Variants in ABLIM1 observed in about 807,000 individuals in gnomAD.
ABLIM1 encodes the protein actin-binding LIM protein 1.
Under a neutral mutation model 107.0 loss-of-function variants are expected in ABLIM1, and 40 were observed. The observed-to-expected ratio is 0.37, with a 90% confidence interval of 0.29 to 0.49. The LOEUF is 0.49. ABLIM1 is among the 20% of genes least tolerant of loss of function. The probability of loss-of-function intolerance (pLI) is 0.97; values close to 1 mark genes in which losing one functional copy is unlikely to be tolerated. For missense variants in ABLIM1, 857 were observed against 1,008.5 expected, an observed-to-expected ratio of 0.85 and a Z score of 2.04; for synonymous variants, 357 against 357.3, an observed-to-expected ratio of 1.00 and a Z score of 0.01.
chr10:114,631,184 G>A (rs117961105), intron 1 of ABLIM1, among the ~76,000 whole-genome samples: 1,864 of 152,242 alleles, frequency 0.012, 23 homozygotes, highest in South Asian at 0.019. Context: ...CACATTTCCC[G>A]GAGAAACAAA....
chr10:114,620,339 T>A (rs2077389541), intron 1 of ABLIM1, among the ~76,000 whole-genome samples: 1 of 152,214 alleles, frequency 6.6e-6, no homozygotes. Context: ...GGACAGGTCA[T>A]TAAACTCCAA....
At chr10:114,645,984 G>T (rs2078996518) in intron 1 of ABLIM1, among the ~76,000 whole-genome samples, 1 of 152,158 alleles carries the variant, frequency 6.6e-6, no homozygotes, top group Admixed American at 6.5e-5. Context: ...TTCAACCAAA[G>T]ATTGTGCTAG....
chr10:114,732,757 A>G (rs111464155), intron 1 of ABLIM1, among the ~76,000 whole-genome samples: 5 of 152,362 alleles, frequency 3.3e-5, no homozygotes, highest in African/African-American at 1.2e-4. Flanking sequence ...AAAGGAAAAG[A>G]TTAATAAATT....
chr10:114,682,515 T>C (rs2080790600), intron 1 of ABLIM1, among the ~76,000 whole-genome samples: 1 of 152,244 alleles, frequency 6.6e-6, no homozygotes, highest in Non-Finnish European at 1.5e-5. Flanking sequence ...GTATTGCCCA[T>C]ATTCCCTATA....
intron 1 of ABLIM1, among the ~76,000 whole-genome samples, chr10:114,683,474 C>G (rs2080833129): frequency 6.6e-6 from 1 of 152,130 alleles, no homozygotes. Context: ...CAAGTGTATA[C>G]ATGTGAAGTG....
intron 1 of ABLIM1, among the ~76,000 whole-genome samples, chr10:114,614,736 G>C (rs199557745): frequency 6.6e-6 from 1 of 152,140 alleles, no homozygotes; most frequent in South Asian, 2.1e-4. Context: ...GGTGCTAGGA[G>C]GGGTTCAGGG....
At position 114,503,779 on chromosome 10, in the gene ABLIM1, C is replaced by A. The variant is rs530254751; in HGVS notation, c.895-11901G>T. ...TTCTAACCTCTGTGAAGTGAATGAT[C>A]TTTATAAAATGGTCTCTAAGTAAAA... On this transcript the variant is annotated intron_variant, in intron 6 of 22. Coordinates refer to ENST00000533213, the MANE Select transcript of ABLIM1 (RefSeq NM_002313.7). Among the ~76,000 whole-genome samples the A allele has an allele frequency of 2.6e-5, 4 of 152,278 alleles. No individual in the cohort carries two copies. The South Asian group carries it at 8.3e-4, about 32-fold the overall frequency.
chr10:114,616,016 C>G (rs182252707), intron 1 of ABLIM1, among the ~76,000 whole-genome samples: 2 of 152,062 alleles, frequency 1.3e-5, no homozygotes, highest in South Asian at 4.1e-4. Context: ...TAGTGTTCTA[C>G]TCATATTTAT....
chr10:114,687,023 G>C (rs2080957619), upstream of ABLIM1, among the ~76,000 whole-genome samples: 1 of 152,174 alleles, frequency 6.6e-6, no homozygotes, highest in South Asian at 2.1e-4. Flanking sequence ...TAAAAACACA[G>C]AGCAGAAATC....
chr10:114,535,523 C>T (rs1444672324), intron 6 of ABLIM1, among the ~76,000 whole-genome samples: 1 of 152,122 alleles, frequency 6.6e-6, no homozygotes. Flanking sequence ...GTTGGCCAGG[C>T]TTGTCTTGAA....
chr10:114,576,550 A>G (rs1306553761), intron 2 of ABLIM1, among the ~76,000 whole-genome samples: 1 of 152,116 alleles, frequency 6.6e-6, no homozygotes, highest in Admixed American at 6.5e-5. Context: ...TTCAATCAGT[A>G]AATTGCTTTC....
At chr10:114,766,410 T>A (rs1330363387) in intron 1 of ABLIM1, among the ~76,000 whole-genome samples, 9 of 152,116 alleles carry the variant, frequency 5.9e-5, no homozygotes, top group Admixed American at 5.9e-4. Flanking sequence ...TGAAACTGGG[T>A]TGAAGAAGAA....
intron 1 of ABLIM1, among the ~76,000 whole-genome samples, chr10:114,673,000 G>T (rs1174443592): frequency 6.6e-6 from 1 of 152,114 alleles, no homozygotes; most frequent in Non-Finnish European, 1.5e-5. Flanking sequence ...GCTCATGCCT[G>T]TAATTCCAGC....
chr10:114,776,139 T>C, the ABLIM1 span: 1 of 151,714 alleles, frequency 6.6e-6, no homozygotes, highest in Non-Finnish European at 1.5e-5. Context: ...CATGAGATGG[T>C]GGACAACAAA....
intron 8 of ABLIM1, among the ~76,000 whole-genome samples, chr10:114,483,319 G>A (rs1023962164): frequency 6.6e-6 from 1 of 152,036 alleles, no homozygotes; most frequent in Non-Finnish European, 1.5e-5. Context: ...TGCCCAGGCT[G>A]GAGTGCAGTG....
intron 1 of ABLIM1, among the ~76,000 whole-genome samples, chr10:114,675,424 T>C (rs2080437489): frequency 6.6e-6 from 1 of 152,156 alleles, no homozygotes; most frequent in African/African-American, 2.4e-5. Context: ...AAAGGGCAGT[T>C]CTCCTGAACA....
rs1295585903 is a variant in ABLIM1, at chr10:114,432,148, G to A, written c.*4112C>T. The A allele has an allele frequency of 2.6e-5, 4 of 152,200 alleles. No individual in the cohort carries two copies. Among genetic ancestry groups the A allele is most frequent in the Non-Finnish European group, 5.9e-5 (4 of 68,040 alleles). The allele number at this position is 152,200 out of a possible 1,614,324, so 9.4% of individuals were successfully genotyped here. ...GTTATTCAAAAGGGAGCACAAAAGA[G>A]CAAGCTTTGGGGCATACTGACAAAC... On this transcript the variant is annotated 3_prime_UTR_variant, in exon 23 of 23. Transcript: ENST00000533213.
intron 4 of ABLIM1, among the ~76,000 whole-genome samples, chr10:114,553,911 C>A (rs2068396854): frequency 6.6e-6 from 1 of 152,072 alleles, no homozygotes; most frequent in South Asian, 2.1e-4. Context: ...ACTGGGGGTG[C>A]ATGAATATCA....
chr10:114,711,520 CAG>C lies in ABLIM1; in HGVS notation c.-213+56539_-213+56540del, dbSNP rs199994125. 6.9e-3 allele frequency among the ~76,000 whole-genome samples: 1,044 copies of C among 152,258 alleles called. 10 individuals are homozygous for C. The highest frequency in any genetic ancestry group is 0.016 in the African/African-American group (673 of 41,544). ...CCCCACGCTAAACCTGCATATCAGC[CAG>C]AGTCTTGGCAGGTGACAGATGTTAC... On this transcript the variant is annotated intron_variant, in intron 1 of 15. Transcript: ENST00000651092.
Sources: gnomAD v4.1 joint callset for allele counts (sites outside exome capture counted in the v4.1 genomes callset) on GRCh38, gnomAD v4.1.1 for gene constraint, MANE v1.5 for transcripts, NCBI Gene and HGNC (gene_info 2026-07-23, HGNC 2026-07-21) for gene names.